CENPC: variants seen among roughly 807,000 people sequenced by gnomAD.
CENPC encodes centromere protein C.
A neutral mutation model predicts 112.1 loss-of-function variants in CENPC; 63 were observed. The ratio of observed to expected loss-of-function variants is 0.56; its 90% CI spans 0.46 to 0.69. The LOEUF is 0.69. CENPC is among the 30% of genes least tolerant of loss of function. The pLI is 0.00. For missense variants in CENPC, 1,000 were observed against 1,103.8 expected (o/e 0.91, Z 1.33); for synonymous variants, 333 against 367.6 (o/e 0.91, Z 1.08).
At chr4:67,472,765 T>C (rs1026463413) in intron 18 of CENPC, 90 bp from the exon 19 acceptor site, 1 of 1,264,760 alleles carries the variant, frequency 7.9e-7, no homozygotes. Context: ...ACAGTTGTAG[T>C]ATAGGACACA....
Position 67,509,084 on chromosome 4 carries a change from G to A in CENPC, c.1634C>T (p.Ser545Leu), listed in dbSNP as rs1170717758. The A allele has an allele frequency of 2.5e-6, 4 of 1,607,540 alleles. No individual in the cohort carries two copies. The highest frequency in any genetic ancestry group is 3.4e-6 in the Non-Finnish European group (4 of 1,178,512). Reference protein sequence around the residue: ...SEESPVYSNSSVRNELPMHHN... With the variant: ...SEESPVYSNSLVRNELPMHHN... Reference sequence around the variant, plus strand: ...ATGCATTGGTAATTCATTTCTTACTGAAGAATTGCTATAAACAGGACCTGA... The same window carrying A: ...ATGCATTGGTAATTCATTTCTTACTAAAGAATTGCTATAAACAGGACCTGA... Residue 545 changes from serine (S) to leucine (L), a missense_variant, in exon 10 of 19, where the codon TCA becomes TTA. Ser to Leu is a moderately radical substitution (Grantham distance 145). Transcript: ENST00000273853.
chr4:67,496,530 A>G (rs1316393446), intron 12 of CENPC, among the ~76,000 whole-genome samples: 1 of 152,188 alleles, frequency 6.6e-6, no homozygotes, highest in Non-Finnish European at 1.5e-5. Context: ...CTGAGCTTTT[A>G]TCATATTCTC....
chr4:67,499,955 T>C (rs901848505), intron 12 of CENPC, among the ~76,000 whole-genome samples: 3 of 152,144 alleles, frequency 2.0e-5, no homozygotes, highest in African/African-American at 7.2e-5. Context: ...GGGAGAAAGA[T>C]GGGGAACTGG....
chr4:67,534,291 C>G (rs1329821369), intron 4 of CENPC, among the ~76,000 whole-genome samples: 1 of 151,964 alleles, frequency 6.6e-6, no homozygotes, highest in African/African-American at 2.4e-5. Flanking sequence ...TGGCAGGCAC[C>G]TGTAGTCCCA....
intron 12 of CENPC, among the ~76,000 whole-genome samples, chr4:67,496,758 T>C (rs1725441839): frequency 1.3e-5 from 2 of 152,164 alleles, no homozygotes; most frequent in African/African-American, 2.4e-5. Flanking sequence ...GGGTTTCTTT[T>C]TGGGGGTTAT....
At chr4:67,493,426 T>C (rs1725339879) in intron 14 of CENPC, 1 of 169,084 alleles carries the variant, frequency 5.9e-6, no homozygotes, top group Admixed American at 6.0e-5. Flanking sequence ...GCGGGAGGAC[T>C]GCTTGAGCCC....
At chr4:67,530,344 C>T (rs1726509327) in intron 5 of CENPC, among the ~76,000 whole-genome samples, 1 of 151,716 alleles carries the variant, frequency 6.6e-6, no homozygotes, top group African/African-American at 2.4e-5. Flanking sequence ...AAAAGGTACT[C>T]TTACACTATT....
chr4:67,482,682 T>A (rs929000558), intron 17 of CENPC, among the ~76,000 whole-genome samples: 2 of 152,034 alleles, frequency 1.3e-5, no homozygotes, highest in Admixed American at 6.6e-5. Context: ...CACTTATAAG[T>A]GGGAGCTAAG....
intron 11 of CENPC, among the ~76,000 whole-genome samples, chr4:67,506,411 C>T (rs1002313606): frequency 6.6e-6 from 1 of 152,114 alleles, no homozygotes. Flanking sequence ...TCTCTTGGAG[C>T]ATTTGCTTTG....
rs1042027424 is a variant in CENPC at position 67,470,469 on chromosome 4, G to A, written c.*2136C>T. ...CAACTGTAATCCCAGCTACTCAGGAGGCTGACGCAGGAGAATTGCTTGAAC... is the reference window on the plus strand; with the variant it reads ...CAACTGTAATCCCAGCTACTCAGGAAGCTGACGCAGGAGAATTGCTTGAAC... On this transcript the variant is annotated 3_prime_UTR_variant, in exon 19 of 19. Transcript: ENST00000273853. The A allele has an allele frequency of 6.6e-6, 1 of 151,472 alleles. No individual in the cohort carries two copies. Among genetic ancestry groups the A allele is most frequent in the Non-Finnish European group, 1.5e-5 (1 of 68,108 alleles). The allele number at this position is 151,472 out of a possible 1,614,324, so 9.4% of individuals were successfully genotyped here.
chr4:67,543,991 T>G (rs529612340), intron 2 of CENPC, among the ~76,000 whole-genome samples, 158 bp downstream of exon 2: 12 of 152,322 alleles, frequency 7.9e-5, no homozygotes, highest in African/African-American at 2.2e-4. Flanking sequence ...ATTGCACTGC[T>G]TGCATTAACA....
intron 17 of CENPC, among the ~76,000 whole-genome samples, chr4:67,485,007 G>A (rs1022529227): frequency 7.2e-5 from 11 of 152,062 alleles, no homozygotes; most frequent in Non-Finnish European, 1.2e-4. Context: ...GCAGGAGAAT[G>A]GCGTGAACCT....
chr4:67,490,868 AT>A (rs1725237819), intron 16 of CENPC, among the ~76,000 whole-genome samples: 6,295 of 33,696 alleles, frequency 0.19, 340 homozygotes, highest in African/African-American at 0.24. Flanking sequence ...ATATATATAT[AT>A]ATATATATAG....
intron 16 of CENPC, among the ~76,000 whole-genome samples, chr4:67,490,470 G>A (rs975268164): frequency 6.6e-6 from 1 of 152,184 alleles, no homozygotes; most frequent in South Asian, 2.1e-4. Context: ...CAAAAAGTAC[G>A]CACTGTTAGC....
At chr4:67,475,012 C>A in intron 17 of CENPC, 34 bp from the exon 18 acceptor site, 3 of 1,190,170 alleles carry the variant, frequency 2.5e-6, no homozygotes, top group Non-Finnish European at 3.6e-6. Context: ...TCATTCAAAA[C>A]TGAACCATGA....
intron 12 of CENPC, 187 bp downstream of exon 12, chr4:67,505,018 A>ATTTT (rs1257380184): frequency 1.8e-6 from 1 of 562,652 alleles, no homozygotes; most frequent in African/African-American, 1.9e-5. Context: ...TCTACTTAAA[A>ATTTT]AACTGTCACT....
chr4:67,477,353 AC>A (rs1724833362), intron 17 of CENPC, among the ~76,000 whole-genome samples: 1 of 152,186 alleles, frequency 6.6e-6, no homozygotes, highest in South Asian at 2.1e-4. Flanking sequence ...TGGCTGAGAG[AC>A]CTGAAGACAG....
intron 5 of CENPC, among the ~76,000 whole-genome samples, chr4:67,521,022 C>T (rs62301096): frequency 6.7e-6 from 1 of 150,010 alleles, no homozygotes. Context: ...AAAAAATAAA[C>T]AAATAAATAA....
Position 67,472,422 on chromosome 4 carries a change from T to G in CENPC, c.*183A>C. The G allele has an allele frequency of 1.4e-6, 1 of 706,014 alleles. No homozygotes were observed. Among genetic ancestry groups the G allele is most frequent in the Admixed American group, 5.3e-5 (1 of 19,000 alleles). The allele number at this position is 706,014 out of a possible 1,614,324, so 43.7% of individuals were successfully genotyped here. On this transcript the variant is annotated 3_prime_UTR_variant, in exon 19 of 19. Transcript: ENST00000273853. ...CATCGCTACAAGCTATTATGTACAG[T>G]CACTGAAAAATCAGAAAAAACATGT... is the stretch of plus-strand genomic sequence containing the variant.
Sources: gnomAD v4.1 joint callset for allele counts (sites outside exome capture counted in the v4.1 genomes callset) on GRCh38, gnomAD v4.1.1 for gene constraint, MANE v1.5 for transcripts, NCBI Gene and HGNC (gene_info 2026-07-23, HGNC 2026-07-21) for gene names.